Variants in CFAP299 observed in about 807,000 individuals in gnomAD.
CFAP299 encodes cilia- and flagella-associated protein 299.
In CFAP299, 21 loss-of-function variants were observed where a neutral mutation model predicts 27.0. The ratio of observed to expected loss-of-function variants is 0.78; its 90% CI spans 0.55 to 1.12. CFAP299 has a LOEUF of 1.12. Among genes scored for constraint, CFAP299 ranks in the 50% most tolerant of loss-of-function variants. The probability of loss-of-function intolerance (pLI) is 0.00; values close to 1 mark genes in which losing one functional copy is unlikely to be tolerated. For synonymous variants in CFAP299, 104 were observed against 98.1 expected, an observed-to-expected ratio of 1.06 and a Z score of -0.36; for missense variants, 310 against 276.6, an observed-to-expected ratio of 1.12 and a Z score of -0.86.
chr4:80,707,265 A>G (rs1721876401), intron 3 of CFAP299, among the ~76,000 whole-genome samples: 2 of 151,954 alleles, frequency 1.3e-5, no homozygotes, highest in Non-Finnish European at 2.9e-5. Context: ...GGCCCATGAG[A>G]TGAGACTGGT....
At chr4:80,569,075 C>G (rs998828975) in intron 2 of CFAP299, among the ~76,000 whole-genome samples, 3 of 152,092 alleles carry the variant, frequency 2.0e-5, no homozygotes, top group African/African-American at 7.2e-5. Context: ...TTTGTCTCCT[C>G]AGGCTTGAGG....
the CFAP299 span, among the ~76,000 whole-genome samples, chr4:80,330,011 G>A: frequency 6.6e-6 from 1 of 151,874 alleles, no homozygotes. Context: ...AGTTTATTAT[G>A]TACCAGGAAG....
chr4:80,618,148 C>G (rs1300839631), intron 3 of CFAP299, among the ~76,000 whole-genome samples: 2 of 152,002 alleles, frequency 1.3e-5, no homozygotes, highest in African/African-American at 4.8e-5. Flanking sequence ...TATGAAGTAT[C>G]TCATGGTCAT....
intron 3 of CFAP299, among the ~76,000 whole-genome samples, chr4:80,784,327 G>T (rs954689616): frequency 6.6e-6 from 1 of 151,968 alleles, no homozygotes; most frequent in African/African-American, 2.4e-5. Flanking sequence ...GTGTACGAAG[G>T]TTCCTTTTTC....
intron 3 of CFAP299, among the ~76,000 whole-genome samples, chr4:80,696,679 G>A (rs1267464162): frequency 6.6e-6 from 1 of 152,176 alleles, no homozygotes; most frequent in Admixed American, 6.5e-5. Context: ...AATAAAGAGT[G>A]AGGGGCAACA....
chr4:80,559,915 G>A (rs933095664), intron 2 of CFAP299, among the ~76,000 whole-genome samples: 2 of 152,128 alleles, frequency 1.3e-5, no homozygotes, highest in Non-Finnish European at 2.9e-5. Flanking sequence ...GGACTGCAAT[G>A]CTTAGGCAAA....
intron 2 of CFAP299, among the ~76,000 whole-genome samples, chr4:80,499,429 C>G (rs564195152): frequency 4.6e-5 from 7 of 152,170 alleles, no homozygotes; most frequent in African/African-American, 1.7e-4. Context: ...TTTTATAACA[C>G]TGACAGATAT....
At chr4:80,655,358 G>A (rs1001243653) in intron 3 of CFAP299, among the ~76,000 whole-genome samples, 11 of 152,040 alleles carry the variant, frequency 7.2e-5, no homozygotes, top group Admixed American at 2.6e-4. Flanking sequence ...TATTGCTGCC[G>A]GATACAATAT....
chr4:80,334,310 A>C (rs1722042197), upstream of CFAP299, among the ~76,000 whole-genome samples: 1 of 152,206 alleles, frequency 6.6e-6, no homozygotes, highest in Non-Finnish European at 1.5e-5. Flanking sequence ...AAAGTGCTCT[A>C]GTTTAATAAA....
chr4:80,393,132 G>T lies in CFAP299; in HGVS notation c.242+30248G>T, dbSNP rs931209089. 4.6e-5 allele frequency among the ~76,000 whole-genome samples: 7 copies of T among 151,936 alleles called. No individual in the cohort carries two copies. In the East Asian group the frequency reaches 1.2e-3, roughly 25 times the overall value. On this transcript the variant is annotated intron_variant, in intron 2 of 5. Transcript: ENST00000358105. ...TATGTCTTAGTTTTTTAACAAAAAA[G>T]TTTTAAAAGCAAAAAATAAAATACA...
intron 3 of CFAP299, among the ~76,000 whole-genome samples, chr4:80,716,783 A>C (rs1722511630): frequency 2.0e-5 from 3 of 152,140 alleles, no homozygotes; most frequent in African/African-American, 7.2e-5. Context: ...TACATAATGT[A>C]TAGCTGTGGA....
At chr4:80,949,667 C>G (rs181407180) in intron 5 of CFAP299, among the ~76,000 whole-genome samples, 35 of 151,458 alleles carry the variant, frequency 2.3e-4, no homozygotes, top group East Asian at 1.2e-3. Context: ...AACCTATTAC[C>G]CAAGATAAGA....
chr4:80,581,611 T>G (rs1444637145), intron 2 of CFAP299, among the ~76,000 whole-genome samples: 1 of 151,202 alleles, frequency 6.6e-6, no homozygotes, highest in Non-Finnish European at 1.5e-5. Flanking sequence ...CTAGTAGTAA[T>G]TGCTCCTTAA....
chr4:80,780,389 A>G lies in CFAP299; in HGVS notation c.334-89604A>G, dbSNP rs185207250. On this transcript the variant is annotated intron_variant, in intron 3 of 5. Coordinates refer to ENST00000358105, the MANE Select transcript of CFAP299 (RefSeq NM_152770.3). ...TCTCAGAGTCCCATCTTCACCACTA[A>G]GAAATCTTAGACAAAGTACTTCTTT... Among the ~76,000 whole-genome samples, 7 of 152,256 alleles carry G rather than the reference A, an allele frequency of 4.6e-5. No individual in the cohort carries two copies. The East Asian group carries it at 1.4e-3, about 29-fold the overall frequency.
intron 2 of CFAP299, among the ~76,000 whole-genome samples, chr4:80,550,339 T>C (rs1307486059): frequency 1.3e-5 from 2 of 152,064 alleles, no homozygotes; most frequent in African/African-American, 4.8e-5. Context: ...AAGTGCAGGT[T>C]ATCTCGTTTT....
At chr4:80,719,228 A>G (rs1017510148) in intron 3 of CFAP299, among the ~76,000 whole-genome samples, 22 of 152,170 alleles carry the variant, frequency 1.4e-4, no homozygotes, top group African/African-American at 4.6e-4. Flanking sequence ...TCTGTACAAA[A>G]AACCCCCATG....
intron 3 of CFAP299, among the ~76,000 whole-genome samples, chr4:80,842,093 G>C (rs1436595932): frequency 6.6e-6 from 1 of 151,908 alleles, no homozygotes; most frequent in Non-Finnish European, 1.5e-5. Flanking sequence ...TGGCTGGTGA[G>C]GATGGGAGAG....
At chr4:80,794,568 T>C (rs1727748538) in intron 3 of CFAP299, among the ~76,000 whole-genome samples, 1 of 152,132 alleles carries the variant, frequency 6.6e-6, no homozygotes, top group East Asian at 1.9e-4. Context: ...TCCAGCTGCT[T>C]CAGGATGATG....
chr4:80,777,589 C>T (rs1469331787), intron 3 of CFAP299, among the ~76,000 whole-genome samples: 1 of 152,058 alleles, frequency 6.6e-6, no homozygotes, highest in African/African-American at 2.4e-5. Flanking sequence ...GCTCTTGGAC[C>T]GTTTAGTCAA....
Sources: gnomAD v4.1 joint callset for allele counts (sites outside exome capture counted in the v4.1 genomes callset) on GRCh38, gnomAD v4.1.1 for gene constraint, MANE v1.5 for transcripts, NCBI Gene and HGNC (gene_info 2026-07-23, HGNC 2026-07-21) for gene names.